Variants in NAV3 observed in about 807,000 individuals in gnomAD.
The protein encoded by NAV3 is neuron navigator 3.
NAV3 carries 87 observed loss-of-function variants against 244.7 expected under a neutral mutation model. The ratio of observed to expected loss-of-function variants is 0.36; its 90% CI spans 0.30 to 0.42. The LOEUF is 0.42. Among genes scored for constraint, NAV3 ranks in the 20% least tolerant of loss-of-function variants. NAV3 has a pLI of 1.00. For missense variants in NAV3, 2,663 were observed against 2,893.3 expected, an observed-to-expected ratio of 0.92 and a Z score of 1.83; for synonymous variants, 1,126 against 1,042.2, an observed-to-expected ratio of 1.08 and a Z score of -1.55.
intron 1 of NAV3, among the ~76,000 whole-genome samples, chr12:77,929,292 C>A (rs1436521951): frequency 6.6e-6 from 1 of 151,946 alleles, no homozygotes; most frequent in African/African-American, 2.4e-5. Context: ...AACCTAAAAA[C>A]CAATTTTTAG....
chr12:77,886,081 T>C (rs770693212), intron 1 of NAV3, among the ~76,000 whole-genome samples: 2 of 152,144 alleles, frequency 1.3e-5, no homozygotes, highest in Non-Finnish European at 2.9e-5. Context: ...TGGTAGTCGA[T>C]AGTCTCAATC....
At chr12:77,641,504 AT>A (rs1488929431) in intron 2 of NAV3, among the ~76,000 whole-genome samples, 1 of 152,178 alleles carries the variant, frequency 6.6e-6, no homozygotes, top group African/African-American at 2.4e-5. Context: ...AATAAAATGT[AT>A]AAAAAATTAT....
chr12:78,057,243 G>C (rs1235221911), intron 11 of NAV3, among the ~76,000 whole-genome samples: 1 of 152,154 alleles, frequency 6.6e-6, no homozygotes, highest in Non-Finnish European at 1.5e-5. Context: ...AAATAGTTGG[G>C]CCAAGAATAT....
At chr12:78,172,301 G>C (rs1325998086) in intron 24 of NAV3, among the ~76,000 whole-genome samples, 1 of 151,614 alleles carries the variant, frequency 6.6e-6, no homozygotes. Flanking sequence ...GGCAAACATA[G>C]TTATATTGAA....
At chr12:78,190,877 A>G (rs1042556112) in intron 34 of NAV3, among the ~76,000 whole-genome samples, 1 of 152,266 alleles carries the variant, frequency 6.6e-6, no homozygotes, top group Middle Eastern at 3.4e-3. Flanking sequence ...TTCTGAGTAA[A>G]ACAAAAAATC....
chr12:77,612,112 A>C (rs1870942834), intron 2 of NAV3, among the ~76,000 whole-genome samples: 1 of 152,112 alleles, frequency 6.6e-6, no homozygotes, highest in African/African-American at 2.4e-5. Context: ...GCATGAGTTC[A>C]TAATCCTAGA....
chr12:78,149,746 G>A (rs2853478), intron 22 of NAV3, among the ~76,000 whole-genome samples: 40,257 of 151,560 alleles, frequency 0.27, 5,624 homozygotes, highest in Non-Finnish European at 0.3. Context: ...CACCCCTCCC[G>A]CTGCTCCTCT....
intron 9 of NAV3, among the ~76,000 whole-genome samples, chr12:78,031,556 T>TA (rs1489503804): frequency 1.3e-5 from 2 of 151,752 alleles, no homozygotes; most frequent in Non-Finnish European, 2.9e-5. Flanking sequence ...TATGCAGCCA[T>TA]AAAAAATGAT....
At chr12:77,682,234 A>G (rs1449335917) in intron 2 of NAV3, among the ~76,000 whole-genome samples, 1 of 152,158 alleles carries the variant, frequency 6.6e-6, no homozygotes, top group African/African-American at 2.4e-5. Flanking sequence ...GATTCTACAT[A>G]TGAATGAGAT....
chr12:78,038,331 T>C lies in NAV3; in HGVS notation c.2024-11662T>C, dbSNP rs534043995. On this transcript the variant is annotated intron_variant, in intron 9 of 39. Coordinates refer to ENST00000397909, the MANE Select transcript of NAV3 (RefSeq NM_001024383.2). ...GTGTATTTCCACAAAGGGCTTCATATTGGCCTCCTTAAGTTGAAAGGAATT... is the reference window on the plus strand; with the variant it reads ...GTGTATTTCCACAAAGGGCTTCATACTGGCCTCCTTAAGTTGAAAGGAATT... Among the ~76,000 whole-genome samples the C allele has an allele frequency of 5.9e-5, 9 of 152,340 alleles. No homozygotes were observed. The South Asian group carries it at 1.9e-3, about 32-fold the overall frequency.
intron 8 of NAV3, among the ~76,000 whole-genome samples, chr12:78,014,157 C>A (rs1234906432): frequency 6.6e-6 from 1 of 151,970 alleles, no homozygotes; most frequent in Non-Finnish European, 1.5e-5. Flanking sequence ...TGTGTTTTCC[C>A]TAAACCTGTC....
intron 38 of NAV3, among the ~76,000 whole-genome samples, 159 bp downstream of exon 38, chr12:78,200,750 A>C (rs956587441): frequency 1.3e-5 from 2 of 152,032 alleles, no homozygotes; most frequent in African/African-American, 4.8e-5. Context: ...ATAGTTTGTA[A>C]TATTTTGCCT....
chr12:78,157,859 T>C (rs1049281076), intron 22 of NAV3, among the ~76,000 whole-genome samples: 1 of 151,034 alleles, frequency 6.6e-6, no homozygotes, highest in Non-Finnish European at 1.5e-5. Flanking sequence ...TAATAAAGAG[T>C]TGTTCTGATA....
chr12:78,061,891 C>G (rs1038053934), intron 12 of NAV3, among the ~76,000 whole-genome samples: 5 of 151,986 alleles, frequency 3.3e-5, no homozygotes, highest in African/African-American at 9.7e-5. Context: ...TTAATCCTGG[C>G]ACCTTAAATT....
rs1565834877 is a variant in NAV3, at chr12:77,831,197, G to GAGAGAGAGAGAGAGAA, written c.-250_-249insAAGAGAGAGAGAGAGA. On this transcript the variant is annotated 5_prime_UTR_variant, in exon 1 of 40. Transcript: ENST00000397909. ...AGAGAGAGAGAGAGAGAGAGAGACA[G>GAGAGAGAGAGAGAGAA]AGAGAGAGAGAGAGAGAGAGAAAGA... is the stretch of plus-strand genomic sequence containing the variant. The GAGAGAGAGAGAGAGAA allele has an allele frequency of 2.6e-5, 3 of 113,500 alleles. No individual in the cohort carries two copies. The highest frequency in any genetic ancestry group is 1.3e-4 in the Admixed American group (1 of 7,902). 7.0% of individuals were successfully genotyped at this position (113,500 alleles called of 1,614,324 possible).
At chr12:77,756,101 A>C (rs1458768720) in intron 2 of NAV3, among the ~76,000 whole-genome samples, 1 of 152,208 alleles carries the variant, frequency 6.6e-6, no homozygotes, top group Non-Finnish European at 1.5e-5. Flanking sequence ...AATAAAGATA[A>C]TAAAAGTATC....
intron 20 of NAV3, chr12:78,143,548 C>A: frequency 3.8e-6 from 1 of 263,040 alleles, no homozygotes; most frequent in Non-Finnish European, 7.6e-6. Context: ...GGAGAATCGC[C>A]TGAACCTGGG....
intron 3 of NAV3, 85 bp downstream of exon 3, chr12:77,941,218 TC>T (rs1889839530): frequency 4.6e-6 from 4 of 866,734 alleles, no homozygotes; most frequent in Non-Finnish European, 7.2e-6. Context: ...TTATTTTTTT[TC>T]TGCATGTCTT....
chr12:78,056,464 C>A (rs1883522160), intron 11 of NAV3: 1 of 152,272 alleles, frequency 6.6e-6, no homozygotes, highest in Non-Finnish European at 1.5e-5. Context: ...TATGGTGGCT[C>A]ATGCCTGTAA....
Sources: gnomAD v4.1 joint callset for allele counts (sites outside exome capture counted in the v4.1 genomes callset) on GRCh38, gnomAD v4.1.1 for gene constraint, MANE v1.5 for transcripts, NCBI Gene and HGNC (gene_info 2026-07-23, HGNC 2026-07-21) for gene names.